STX18: variants seen among roughly 807,000 people sequenced by gnomAD.
STX18 encodes the protein syntaxin 18, also known as syntaxin-18.
In STX18, 40 loss-of-function variants were observed where a neutral mutation model predicts 50.1. The ratio of observed to expected loss-of-function variants is 0.80; its 90% confidence interval spans 0.62 to 1.04. The LOEUF is 1.04. Among genes scored for constraint, STX18 ranks in the 50% least tolerant of loss-of-function variants. STX18 has a pLI of 0.00. For missense variants in STX18, 410 were observed against 415.8 expected (o/e 0.99, Z 0.12); for synonymous variants, 158 against 151.8 (o/e 1.04, Z -0.30).
chr4:4,491,554 T>C (rs538147987), intron 1 of STX18, among the ~76,000 whole-genome samples: 3 of 152,250 alleles, frequency 2.0e-5, no homozygotes, highest in East Asian at 1.9e-4. Context: ...GTTAACATCA[T>C]CTACCGAAAG....
intron 1 of STX18, among the ~76,000 whole-genome samples, chr4:4,502,666 C>G (rs529897419): frequency 6.6e-6 from 1 of 152,266 alleles, no homozygotes; most frequent in East Asian, 1.9e-4. Flanking sequence ...CCTGTTGTAG[C>G]TCTCAGCAGC....
At chr4:4,456,872 A>C (rs1357907510) in intron 5 of STX18, among the ~76,000 whole-genome samples, 1 of 152,230 alleles carries the variant, frequency 6.6e-6, no homozygotes, top group Non-Finnish European at 1.5e-5. Flanking sequence ...TTGGACCAAC[A>C]GCCTAGGCTC....
intron 2 of STX18, among the ~76,000 whole-genome samples, chr4:4,467,774 T>A (rs115866142): frequency 0.013 from 2,016 of 151,076 alleles, 25 homozygotes; most frequent in Non-Finnish European, 0.02. Flanking sequence ...GCTAGGGAGG[T>A]AGATAGAACT....
chr4:4,506,135 A>T (rs1222908146), intron 1 of STX18, among the ~76,000 whole-genome samples: 1 of 152,240 alleles, frequency 6.6e-6, no homozygotes, highest in African/African-American at 2.4e-5. Flanking sequence ...ATTTGTGTAC[A>T]GGCAGTTTCT....
At position 4,420,987 on chromosome 4, in the gene STX18, A is replaced by G. The variant is rs770202445; in HGVS notation, c.832-43T>C. ...AATACAAGTTGAGTATCCTTTATCC[A>G]AAAACCTGAAACCCAAAATGCTCCA... On this transcript the variant is annotated intron_variant, in intron 9 of 10. Transcript: ENST00000306200. This position sits in a 1 kb window ranked among gnomAD's most constrained non-coding sequence, Gnocchi z 4.3. The G allele has an allele frequency of 1.3e-6, 2 of 1,582,658 alleles. No homozygotes were observed. The highest frequency in any genetic ancestry group is 1.7e-5 in the Admixed American group (1 of 59,810).
intron 1 of STX18, among the ~76,000 whole-genome samples, chr4:4,520,299 T>C (rs544864711): frequency 2.0e-5 from 3 of 152,202 alleles, no homozygotes; most frequent in Non-Finnish European, 4.4e-5. Flanking sequence ...TCCAGGAGAA[T>C]ATGGCAGTGA....
At chr4:4,491,117 T>TAAA (rs146689302) in intron 1 of STX18, among the ~76,000 whole-genome samples, 2 of 145,580 alleles carry the variant, frequency 1.4e-5, no homozygotes, top group South Asian at 4.3e-4. Flanking sequence ...TCTTGTCTCT[T>TAAA]AAAAAAAAAA....
chr4:4,460,390 T>A (rs377705955), intron 2 of STX18, among the ~76,000 whole-genome samples: 2 of 152,246 alleles, frequency 1.3e-5, no homozygotes, highest in East Asian at 3.9e-4. Flanking sequence ...TAAACCGATT[T>A]TTCCCCCCAC....
chr4:4,500,816 A>C (rs1380272213), intron 1 of STX18, among the ~76,000 whole-genome samples: 1 of 152,186 alleles, frequency 6.6e-6, no homozygotes, highest in Non-Finnish European at 1.5e-5. Context: ...TGGGTGGATC[A>C]CCTGAGGTCA....
At chr4:4,445,393 C>T (rs764182504) in intron 5 of STX18, among the ~76,000 whole-genome samples, 12 of 150,976 alleles carry the variant, frequency 7.9e-5, no homozygotes, top group East Asian at 1.9e-4. Context: ...GCAACAAGAA[C>T]GAAACTACGT....
chr4:4,438,054 C>T (rs1405352780), intron 6 of STX18, among the ~76,000 whole-genome samples: 1 of 152,238 alleles, frequency 6.6e-6, no homozygotes, highest in African/African-American at 2.4e-5. Flanking sequence ...TCAGAGCTGA[C>T]ATGCAGGGCA....
intron 1 of STX18, among the ~76,000 whole-genome samples, chr4:4,512,658 C>T (rs77636673): frequency 6.6e-6 from 1 of 152,230 alleles, no homozygotes; most frequent in East Asian, 1.9e-4. Context: ...ATTTGAGGCA[C>T]GTTTGTGAGT....
At chr4:4,538,431 T>C (rs186392222) in intron 1 of STX18, among the ~76,000 whole-genome samples, 1 of 152,346 alleles carries the variant, frequency 6.6e-6, no homozygotes, top group East Asian at 1.9e-4. Context: ...GATTCATCAG[T>C]ACCTGCTCAG....
intron 6 of STX18, 78 bp downstream of exon 6, chr4:4,438,316 A>C (rs1392662891): frequency 1.8e-6 from 2 of 1,083,496 alleles, no homozygotes; most frequent in African/African-American, 3.2e-5. Flanking sequence ...AGACTGTGCT[A>C]CTTCGTTCCT....
intron 5 of STX18, among the ~76,000 whole-genome samples, chr4:4,450,886 T>C (rs1268734672): frequency 2.0e-5 from 3 of 152,242 alleles, no homozygotes; most frequent in Admixed American, 6.5e-5. Context: ...ATGTCTGTCA[T>C]CCTTTGTGTC....
intron 5 of STX18, among the ~76,000 whole-genome samples, chr4:4,441,728 C>T (rs768306145): frequency 1.3e-5 from 2 of 152,242 alleles, no homozygotes; most frequent in African/African-American, 2.4e-5. Context: ...ATCACCAGGT[C>T]CCATCCTGAA....
intron 7 of STX18, 47 bp downstream of exon 7, chr4:4,434,723 T>C (rs1171633390): frequency 2.0e-6 from 3 of 1,518,438 alleles, no homozygotes; most frequent in Non-Finnish European, 2.7e-6. Context: ...GAAACAGTCT[T>C]ATGAAAACCA....
At chr4:4,483,112 A>AG (rs1728539619) in intron 1 of STX18, among the ~76,000 whole-genome samples, 1 of 152,168 alleles carries the variant, frequency 6.6e-6, no homozygotes, top group Admixed American at 6.5e-5. Flanking sequence ...GCTGGTTAAC[A>AG]GGGGGGCATG....
intron 2 of STX18, among the ~76,000 whole-genome samples, chr4:4,460,123 T>C (rs1199733065): frequency 6.6e-6 from 1 of 152,164 alleles, no homozygotes; most frequent in African/African-American, 2.4e-5. Context: ...CACTCTAACA[T>C]TCCATATATT....
Sources: allele counts gnomAD v4.1 joint callset (sites outside exome capture counted in the v4.1 genomes callset), GRCh38; gene constraint gnomAD v4.1.1; non-coding constraint Gnocchi (gnomAD v3.1); transcripts MANE v1.5; gene names NCBI Gene and HGNC (gene_info 2026-07-23, HGNC 2026-07-21).